The following FSTL5 variants were observed in gnomAD, a reference collection of about 807,000 sequenced individuals.
The protein encoded by FSTL5 is follistatin-related protein 5.
A neutral mutation model predicts 89.1 loss-of-function variants in FSTL5; 62 were observed. That is an observed-to-expected ratio of 0.70 (90% confidence interval 0.57 to 0.86). The LOEUF is 0.86. FSTL5 is among the 40% of genes least tolerant of loss of function. The pLI is 0.00. For missense variants in FSTL5, 1,057 were observed against 1,001.6 expected (o/e 1.06, Z -0.75); for synonymous variants, 383 against 346.2 (o/e 1.11, Z -1.18).
At position 161,920,425 on chromosome 4, in the gene FSTL5, T is replaced by C. The variant is rs1393071360; in HGVS notation, c.388A>G (p.Asn130Asp). 1 of 1,614,024 alleles carries C rather than the reference T, an allele frequency of 6.2e-7. No homozygotes were observed. Among genetic ancestry groups the C allele is most frequent in the Admixed American group, 1.7e-5 (1 of 60,006 alleles). Residue 130 changes from asparagine to aspartate, a missense_variant, in exon 4 of 16, where the codon AAT becomes GAT. Physicochemically the swap from Asn to Asp is conservative, Grantham distance 23 (BLOSUM62 1). Coordinates refer to ENST00000306100, the MANE Select transcript of FSTL5 (RefSeq NM_020116.5). Reference sequence around the variant, plus strand: ...TTACCTTTAAAGAAGCAGTCTTCATTGTGAACAATGGTAATCTTTTGTTTT... The same window carrying C: ...TTACCTTTAAAGAAGCAGTCTTCATCGTGAACAATGGTAATCTTTTGTTTT... ...LKKQKITIVH[N>D]EDCFFKGDKC... is the part of the protein sequence containing the mutation.
intron 8 of FSTL5, among the ~76,000 whole-genome samples, chr4:161,555,330 C>T (rs1732351357): frequency 6.6e-6 from 1 of 151,390 alleles, no homozygotes; most frequent in South Asian, 2.1e-4. Context: ...AAGAAATGCT[C>T]TCTGAAACAC....
chr4:161,486,859 C>T (rs1275266078), intron 12 of FSTL5, among the ~76,000 whole-genome samples: 1 of 152,024 alleles, frequency 6.6e-6, no homozygotes, highest in Non-Finnish European at 1.5e-5. Flanking sequence ...AAATGTATAA[C>T]TTTTATATCC....
chr4:161,521,678 C>G (rs1387609196), intron 10 of FSTL5, among the ~76,000 whole-genome samples: 1 of 151,638 alleles, frequency 6.6e-6, no homozygotes, highest in African/African-American at 2.4e-5. Context: ...GAAACCCCGT[C>G]TCTACTAAAA....
At chr4:161,568,726 A>G (rs1253155942) in intron 8 of FSTL5, among the ~76,000 whole-genome samples, 1 of 152,174 alleles carries the variant, frequency 6.6e-6, no homozygotes, top group Non-Finnish European at 1.5e-5. Context: ...GTATCAGTAA[A>G]TGGCTTTTGC....
chr4:161,699,733 A>G (rs1300867640), intron 6 of FSTL5, among the ~76,000 whole-genome samples: 3 of 152,338 alleles, frequency 2.0e-5, no homozygotes, highest in Non-Finnish European at 4.4e-5. Flanking sequence ...ACGTATCCTG[A>G]GAGCATTCCC....
intron 8 of FSTL5, among the ~76,000 whole-genome samples, chr4:161,572,876 A>C (rs1038713487): frequency 9.8e-5 from 15 of 152,320 alleles, no homozygotes; most frequent in African/African-American, 3.6e-4. Context: ...AACTGCTACA[A>C]TAAAGTAAGA....
At chr4:161,823,835 C>A (rs1424234404) in intron 4 of FSTL5, among the ~76,000 whole-genome samples, 1 of 152,136 alleles carries the variant, frequency 6.6e-6, no homozygotes, top group Non-Finnish European at 1.5e-5. Flanking sequence ...GAATTCATGT[C>A]CTTAGCCCAC....
chr4:161,933,670 T>A (rs1452908029), intron 3 of FSTL5, among the ~76,000 whole-genome samples: 1 of 151,336 alleles, frequency 6.6e-6, no homozygotes, highest in African/African-American at 2.4e-5. Context: ...AACACAGAAA[T>A]ACAGAAAACC....
intron 3 of FSTL5, among the ~76,000 whole-genome samples, chr4:161,926,488 A>T (rs1369519053): frequency 6.6e-6 from 1 of 151,112 alleles, no homozygotes; most frequent in Non-Finnish European, 1.5e-5. Flanking sequence ...ATTTGCACCC[A>T]TCCAAATTAT....
At chr4:161,957,255 T>G (rs1735049966) in intron 3 of FSTL5, among the ~76,000 whole-genome samples, 2 of 151,992 alleles carry the variant, frequency 1.3e-5, no homozygotes, top group East Asian at 3.9e-4. Flanking sequence ...TACATAAAAG[T>G]ACATACCAAT....
chr4:162,145,337 T>C (rs1479495344), intron 1 of FSTL5, among the ~76,000 whole-genome samples: 2 of 152,112 alleles, frequency 1.3e-5, no homozygotes, highest in Non-Finnish European at 2.9e-5. Flanking sequence ...ATAGGTATGA[T>C]AGAAATACAA....
At position 161,516,125 on chromosome 4, in the gene FSTL5, C is replaced by T. The variant is rs980273734; in HGVS notation, c.1313-5701G>A. 5.4e-5 allele frequency among the ~76,000 whole-genome samples: 8 copies of T among 148,158 alleles called. No homozygotes were observed. In the East Asian group the frequency reaches 1.4e-3, roughly 25 times the overall value. The stretch of plus-strand genomic sequence containing the variant: ...AACATAATGTATTATATATTATATT[C>T]TTATATATATATTAGTTTGGTTACC... On this transcript the variant is annotated intron_variant, in intron 10 of 15. Coordinates refer to ENST00000306100, the MANE Select transcript of FSTL5 (RefSeq NM_020116.5).
At chr4:162,085,657 T>A (rs1332523699) in intron 2 of FSTL5, among the ~76,000 whole-genome samples, 1 of 152,018 alleles carries the variant, frequency 6.6e-6, no homozygotes, top group Non-Finnish European at 1.5e-5. Flanking sequence ...AGAAATGTTA[T>A]TGAGAGGGAT....
chr4:162,129,249 ATGG>A (rs1441975234), intron 1 of FSTL5, among the ~76,000 whole-genome samples: 1 of 152,028 alleles, frequency 6.6e-6, no homozygotes, highest in African/African-American at 2.4e-5. Context: ...TTCTATTTTT[ATGG>A]TTAATTAACT....
At chr4:161,608,529 G>T (rs2126632729) in intron 7 of FSTL5, among the ~76,000 whole-genome samples, 1 of 151,980 alleles carries the variant, frequency 6.6e-6, no homozygotes, top group Admixed American at 6.6e-5. Context: ...TGTGTAAAAA[G>T]AGTAATTGCA....
In FSTL5 at chr4:161,748,819, A is replaced by C. The variant is rs549796524; in HGVS notation, c.727+10592T>G. ...CCATCAATAAGGGCATTTGAAAAAC[A>C]CTTATGTATGGTGGCATTAAATACA... On this transcript the variant is annotated intron_variant, in intron 6 of 15. Transcript: ENST00000306100. Among the ~76,000 whole-genome samples the C allele has an allele frequency of 1.2e-4, 19 of 152,218 alleles. No homozygotes were observed. In the East Asian group the frequency reaches 3.3e-3, roughly 26 times the overall value.
At chr4:161,493,647 A>T (rs72683729) in intron 12 of FSTL5, among the ~76,000 whole-genome samples, 42,030 of 151,944 alleles carry the variant, frequency 0.28, 7,289 homozygotes, top group Non-Finnish European at 0.4. Flanking sequence ...TTTTCCATCA[A>T]AATCTTCAAT....
At chr4:162,140,953 T>A (rs1025379607) in intron 1 of FSTL5, among the ~76,000 whole-genome samples, 1 of 152,000 alleles carries the variant, frequency 6.6e-6, no homozygotes, top group Non-Finnish European at 1.5e-5. Flanking sequence ...ATGTTGGTGG[T>A]AGGGCCTGGT....
At chr4:161,989,386 T>A (rs1340115194) in intron 3 of FSTL5, among the ~76,000 whole-genome samples, 1 of 152,158 alleles carries the variant, frequency 6.6e-6, no homozygotes, top group Non-Finnish European at 1.5e-5. Flanking sequence ...ATTTAATATT[T>A]TTAAAATGAA....
Sources: allele counts gnomAD v4.1 joint callset (sites outside exome capture counted in the v4.1 genomes callset), GRCh38; gene constraint gnomAD v4.1.1; transcripts MANE v1.5; gene names NCBI Gene and HGNC (gene_info 2026-07-23, HGNC 2026-07-21).